SEC14L1: variants seen among roughly 807,000 people sequenced by gnomAD.
SEC14L1 encodes SEC14 like lipid binding 1, also known as SEC14-like protein 1.
Under a neutral mutation model 85.3 loss-of-function variants are expected in SEC14L1, and 48 were observed. The observed-to-expected ratio is 0.56, with a 90% CI of 0.45 to 0.72. The LOEUF is 0.72. Ranked by LOEUF, SEC14L1 falls within the 30% of genes least tolerant of loss-of-function variation. The pLI, the probability that SEC14L1 is intolerant of heterozygous loss-of-function variation, is 0.00. For synonymous variants in SEC14L1, 391 were observed against 355.5 expected, an observed-to-expected ratio of 1.10 and a Z score of -1.12; for missense variants, 682 against 921.4, an observed-to-expected ratio of 0.74 and a Z score of 3.36.
chr17:77,109,371 T>C (rs573904164), intron 3 of SEC14L1, among the ~76,000 whole-genome samples: 4 of 152,318 alleles, frequency 2.6e-5, no homozygotes, highest in African/African-American at 9.6e-5. Flanking sequence ...CCCAAAGTGC[T>C]GGGATCATAG....
intron 3 of SEC14L1, among the ~76,000 whole-genome samples, chr17:77,127,193 G>T (rs1380853202): frequency 6.6e-6 from 1 of 151,576 alleles, no homozygotes; most frequent in East Asian, 1.9e-4. Context: ...GTGTCCATGT[G>T]TTCTCATTGT....
intron 3 of SEC14L1, among the ~76,000 whole-genome samples, chr17:77,126,182 A>G (rs1239943299): frequency 3.3e-5 from 5 of 152,164 alleles, no homozygotes; most frequent in Non-Finnish European, 7.4e-5. Flanking sequence ...TGCGATAGGA[A>G]GAGCTCTGTG....
chr17:77,102,644 C>T (rs996236208), intron 3 of SEC14L1, among the ~76,000 whole-genome samples: 2 of 151,966 alleles, frequency 1.3e-5, no homozygotes, highest in East Asian at 3.9e-4. Flanking sequence ...GCTGGGATTA[C>T]AGGCACATGC....
At chr17:77,201,160 A>G (rs1316609193) in intron 9 of SEC14L1, among the ~76,000 whole-genome samples, 1 of 152,218 alleles carries the variant, frequency 6.6e-6, no homozygotes, top group African/African-American at 2.4e-5. Flanking sequence ...GATGCACCTG[A>G]AATGAAGAGT....
chr17:77,179,739 A>G (rs1325577164), intron 3 of SEC14L1, among the ~76,000 whole-genome samples: 2 of 151,816 alleles, frequency 1.3e-5, no homozygotes, highest in African/African-American at 4.8e-5. Context: ...CAGTGGCGCG[A>G]TCTCGGCTCA....
chr17:77,196,106 C>A, intron 7 of SEC14L1, 96 bp from the exon 8 acceptor site: 1 of 920,054 alleles, frequency 1.1e-6, no homozygotes, highest in Non-Finnish European at 1.8e-6. Context: ...GCCTCTAGGA[C>A]TCTAGGACCA....
upstream of SEC14L1, among the ~76,000 whole-genome samples, chr17:77,136,583 G>A (rs1274862105): frequency 2.6e-5 from 4 of 152,158 alleles, no homozygotes; most frequent in Non-Finnish European, 5.9e-5. Flanking sequence ...TTGCTCTTGG[G>A]TGTGCCCATG....
rs570102691 is a variant in SEC14L1, at chr17:77,146,056, C to G, written c.63+2397C>G. Among the ~76,000 whole-genome samples, 3 of 152,328 alleles carry G rather than the reference C, an allele frequency of 2.0e-5. No homozygotes were observed. The South Asian group carries it at 6.2e-4, about 32-fold the overall frequency. ...TTCACATCCTTGAGAGAAACTTGAT[C>G]TAGTTCATTCCCCACCCCGACCCCT... On this transcript the variant is annotated intron_variant, in intron 3 of 16. Transcript: ENST00000436233.
intron 3 of SEC14L1, among the ~76,000 whole-genome samples, chr17:77,172,515 T>G (rs1033508238): frequency 6.6e-6 from 1 of 152,192 alleles, no homozygotes; most frequent in Non-Finnish European, 1.5e-5. Context: ...GACAGCATGA[T>G]CCTTGCTTTT....
At chr17:77,106,392 C>T (rs1443400763) in intron 3 of SEC14L1, among the ~76,000 whole-genome samples, 1 of 151,894 alleles carries the variant, frequency 6.6e-6, no homozygotes, top group African/African-American at 2.4e-5. Flanking sequence ...ATTAGCTGGA[C>T]GTGGTGGCAC....
chr17:77,108,771 C>T (rs1294608113), intron 3 of SEC14L1, among the ~76,000 whole-genome samples: 3 of 113,418 alleles, frequency 2.6e-5, no homozygotes, highest in African/African-American at 6.9e-5. Flanking sequence ...TGTATATATA[C>T]ATTCATCTCT....
At chr17:77,113,166 A>G (rs950498866) in intron 3 of SEC14L1, among the ~76,000 whole-genome samples, 2 of 152,026 alleles carry the variant, frequency 1.3e-5, no homozygotes, top group Non-Finnish European at 2.9e-5. Flanking sequence ...CTCGAAAAAC[A>G]AAAAAAAGAA....
intron 3 of SEC14L1, among the ~76,000 whole-genome samples, chr17:77,188,940 T>C (rs1975395686): frequency 6.6e-6 from 1 of 152,204 alleles, no homozygotes; most frequent in Admixed American, 6.5e-5. Context: ...AGGTGAGATA[T>C]CACTTCCTGT....
chr17:77,094,630 G>C (rs188036428), intron 3 of SEC14L1: 1 of 151,912 alleles, frequency 6.6e-6, no homozygotes, highest in Admixed American at 6.6e-5. Context: ...CCCACAACCA[G>C]CTAATTTTTT....
chr17:77,158,453 G>T (rs1422092297), intron 3 of SEC14L1, among the ~76,000 whole-genome samples: 1 of 151,948 alleles, frequency 6.6e-6, no homozygotes, highest in Non-Finnish European at 1.5e-5. Flanking sequence ...TTGACCTTTT[G>T]TGTAACTGGG....
At chr17:77,194,625 G>A (rs1975708541) in intron 6 of SEC14L1, 52 bp from the exon 7 acceptor site, 3 of 1,392,750 alleles carry the variant, frequency 2.2e-6, no homozygotes, top group African/African-American at 2.9e-5. Context: ...GGAGAGATGA[G>A]TAATTTGAAT....
At chr17:77,159,183 A>C (rs1598319355) in intron 3 of SEC14L1, among the ~76,000 whole-genome samples, 1 of 134,488 alleles carries the variant, frequency 7.4e-6, no homozygotes, top group African/African-American at 2.8e-5. Context: ...CTCCTGCCTC[A>C]GCCTCCCAAG....
intron 3 of SEC14L1, among the ~76,000 whole-genome samples, chr17:77,146,940 A>G (rs1973337791): frequency 6.6e-6 from 1 of 152,210 alleles, no homozygotes; most frequent in Non-Finnish European, 1.5e-5. Flanking sequence ...CAGTAAAATG[A>G]GTTAACCTGA....
intron 3 of SEC14L1, among the ~76,000 whole-genome samples, chr17:77,100,424 CTCTCTTTTTTTTTTTTTT>C (rs1427738360): frequency 4.0e-4 from 14 of 35,288 alleles, no homozygotes; most frequent in Non-Finnish European, 6.2e-4. Flanking sequence ...TTCTCTCTCT[CTCTCTTTTTTTTTTTTTT>C]TTTTTTTTTT....
Sources: gnomAD v4.1 joint callset for allele counts (sites outside exome capture counted in the v4.1 genomes callset) on GRCh38, gnomAD v4.1.1 for gene constraint, MANE v1.5 for transcripts, NCBI Gene and HGNC (gene_info 2026-07-23, HGNC 2026-07-21) for gene names.